Variants in FOCAD observed in about 807,000 individuals in gnomAD.
FOCAD encodes focadhesin.
Under a neutral mutation model 225.6 loss-of-function variants are expected in FOCAD, and 198 were observed. The observed-to-expected ratio is 0.88, with a 90% CI of 0.78 to 0.99. The LOEUF is 0.99. Ranked by LOEUF, FOCAD falls within the 50% of genes least tolerant of loss-of-function variation. The pLI, the probability that FOCAD is intolerant of heterozygous loss-of-function variation, is 0.00. For synonymous variants in FOCAD, 897 were observed against 755.0 expected (o/e 1.19, Z -3.08); for missense variants, 2,713 against 2,123.6 (o/e 1.28, Z -5.46).
chr9:20,825,731 G>T (rs1824822018), intron 15 of FOCAD, among the ~76,000 whole-genome samples: 1 of 152,028 alleles, frequency 6.6e-6, no homozygotes, highest in African/African-American at 2.4e-5. Flanking sequence ...TTATAATCAT[G>T]AAATTCTTTT....
intron 11 of FOCAD, among the ~76,000 whole-genome samples, chr9:20,816,302 A>G (rs574495565): frequency 2.2e-4 from 33 of 152,290 alleles, no homozygotes; most frequent in Middle Eastern, 3.4e-3. Context: ...GTGTCTTGGT[A>G]GAAATCTTTC....
chr9:20,791,237 T>TCACACACACACACACACA (rs10652100), intron 11 of FOCAD, among the ~76,000 whole-genome samples: 21 of 148,594 alleles, frequency 1.4e-4, no homozygotes, highest in East Asian at 8.0e-4. Context: ...ACACACACAC[T>TCACACACACACACACACA]CACACACACA....
intron 4 of FOCAD, among the ~76,000 whole-genome samples, chr9:20,739,179 T>C (rs1357686813): frequency 1.3e-5 from 2 of 152,250 alleles, no homozygotes; most frequent in East Asian, 3.8e-4. Flanking sequence ...AGTAGTGTTC[T>C]AACCCAAAAA....
intron 11 of FOCAD, among the ~76,000 whole-genome samples, chr9:20,815,125 T>TTTTTG (rs1823550296): frequency 3.4e-5 from 1 of 29,534 alleles, no homozygotes; most frequent in Non-Finnish European, 7.3e-5. Flanking sequence ...TTCTCTTTGT[T>TTTTTG]TTTTTTTTTT....
chr9:20,807,048 A>G (rs1457993901), intron 11 of FOCAD, among the ~76,000 whole-genome samples: 2 of 152,256 alleles, frequency 1.3e-5, no homozygotes, highest in Non-Finnish European at 2.9e-5. Flanking sequence ...TGAAAATAAC[A>G]AAACAACCCA....
intron 4 of FOCAD, among the ~76,000 whole-genome samples, chr9:20,728,577 C>G (rs1220365399): frequency 3.3e-5 from 5 of 152,146 alleles, no homozygotes; most frequent in African/African-American, 1.2e-4. Flanking sequence ...GGTCTTGGCT[C>G]TTATGCCTAG....
chr9:20,705,666 A>T (rs903977053), intron 1 of FOCAD, among the ~76,000 whole-genome samples: 1 of 151,934 alleles, frequency 6.6e-6, no homozygotes, highest in Non-Finnish European at 1.5e-5. Context: ...AATGTTTTGT[A>T]CTGGGCAATA....
Position 20,988,445 on chromosome 9 carries a change from G to T in FOCAD, c.5004+16G>T. 7.5e-7 allele frequency: 1 copy of T among 1,328,112 alleles called. No individual in the cohort carries two copies. The allele number at this position is 1,328,112 out of a possible 1,614,324, so 82.3% of individuals were successfully genotyped here. A position where few individuals can be genotyped will look rare whatever the true frequency, so the allele number is the denominator to read the frequency against. On this transcript the variant is annotated intron_variant, in intron 41 of 43. Transcript: ENST00000338382. ...TCTTGACAAGGTAAAATCTAGAGGAGTAGTTTATAGCTTCCTTAAAATACA... is the reference window on the plus strand; with the variant it reads ...TCTTGACAAGGTAAAATCTAGAGGATTAGTTTATAGCTTCCTTAAAATACA...
chr9:20,674,429 C>A (rs1822167665), intron 2 of FOCAD, among the ~76,000 whole-genome samples: 3 of 152,156 alleles, frequency 2.0e-5, no homozygotes, highest in Admixed American at 1.3e-4. Flanking sequence ...TCTCTTTCCA[C>A]CAAGAGCTGC....
At chr9:20,703,716 T>C (rs994421974) in intron 1 of FOCAD, among the ~76,000 whole-genome samples, 1 of 152,192 alleles carries the variant, frequency 6.6e-6, no homozygotes, top group Admixed American at 6.5e-5. Flanking sequence ...TTCAAATTCT[T>C]TTCCATCATT....
chr9:20,851,571 A>G (rs1007843873), intron 15 of FOCAD, among the ~76,000 whole-genome samples: 2 of 151,776 alleles, frequency 1.3e-5, no homozygotes, highest in African/African-American at 4.8e-5. Context: ...AATAAAGTCT[A>G]ATATCTGGTA....
chr9:20,753,226 C>G (rs1483417178), intron 5 of FOCAD, among the ~76,000 whole-genome samples: 1 of 151,116 alleles, frequency 6.6e-6, no homozygotes, highest in Non-Finnish European at 1.5e-5. Flanking sequence ...GAGGGCATCC[C>G]TGTCTTGTGC....
chr9:20,797,069 G>A (rs938070925), intron 11 of FOCAD, among the ~76,000 whole-genome samples: 1 of 152,166 alleles, frequency 6.6e-6, no homozygotes, highest in Admixed American at 6.5e-5. Flanking sequence ...TTATTAAATA[G>A]GGAATCTTTA....
chr9:20,899,090 T>C (rs1400753575), intron 21 of FOCAD, among the ~76,000 whole-genome samples: 3 of 151,972 alleles, frequency 2.0e-5, no homozygotes, highest in Admixed American at 2.0e-4. Flanking sequence ...GGTTAGGTGC[T>C]GATAAAACTC....
At chr9:20,706,687 T>A (rs954884228) in intron 1 of FOCAD, among the ~76,000 whole-genome samples, 15 of 152,202 alleles carry the variant, frequency 9.9e-5, no homozygotes, top group Non-Finnish European at 1.6e-4. Flanking sequence ...AGTGAAAATA[T>A]GTAGGGAGGG....
chr9:20,709,625 C>T (rs928034140), intron 1 of FOCAD, among the ~76,000 whole-genome samples: 1 of 151,884 alleles, frequency 6.6e-6, no homozygotes, highest in African/African-American at 2.4e-5. Flanking sequence ...CTAGAAAAGG[C>T]CAATGTTTGT....
intron 43 of FOCAD, 103 bp downstream of exon 43, chr9:20,993,431 C>A: frequency 2.1e-6 from 2 of 956,196 alleles, no homozygotes; most frequent in South Asian, 2.9e-5. Context: ...ATCTCTTACC[C>A]GAAATGCTTG....
At chr9:20,829,565 G>T (rs1359839467) in intron 15 of FOCAD, among the ~76,000 whole-genome samples, 2 of 151,906 alleles carry the variant, frequency 1.3e-5, no homozygotes, top group Non-Finnish European at 2.9e-5. Context: ...TGTCTATTCA[G>T]ATCCTTTGAA....
chr9:20,776,917 G>A (rs533919656), intron 8 of FOCAD, among the ~76,000 whole-genome samples: 2 of 152,238 alleles, frequency 1.3e-5, no homozygotes, highest in South Asian at 4.2e-4. Flanking sequence ...TGGTATGATA[G>A]TATATACTGT....
Sources: gnomAD v4.1 joint callset for allele counts (sites outside exome capture counted in the v4.1 genomes callset) on GRCh38, gnomAD v4.1.1 for gene constraint, MANE v1.5 for transcripts, NCBI Gene and HGNC (gene_info 2026-07-23, HGNC 2026-07-21) for gene names.